The following MSH5 variants were observed in gnomAD, a reference collection of about 807,000 sequenced individuals.
The protein encoded by MSH5 is mutS protein homolog 5.
In MSH5, 78 loss-of-function variants were observed where a neutral mutation model predicts 107.7. The observed-to-expected ratio is 0.72, with a 90% CI of 0.60 to 0.87. The LOEUF (loss-of-function observed/expected upper bound fraction) is 0.87, where lower values mean the gene tolerates loss of function less well. MSH5 is among the 40% of genes least tolerant of loss of function. The probability of loss-of-function intolerance (pLI) is 0.00; values close to 1 mark genes in which losing one functional copy is unlikely to be tolerated. For synonymous variants in MSH5, 326 were observed against 399.5 expected, an observed-to-expected ratio of 0.82 and a Z score of 2.19; for missense variants, 889 against 1,046.6, an observed-to-expected ratio of 0.85 and a Z score of 2.08.
rs550199219 is a variant in MSH5 at position 31,745,399 on chromosome 6, C to A, written c.766+80C>A. On this transcript the variant is annotated intron_variant, in intron 9 of 24. Coordinates refer to ENST00000375750, the MANE Select transcript of MSH5 (RefSeq NM_172166.4). ...TGGCTCCAAAGATGTGTCCCAGCCT[C>A]CCTTCCCACTTCACTCCCATTGTCA... 3.3e-5 allele frequency: 32 copies of A among 960,042 alleles called. 1 individual carries two copies. In the African/African-American group the frequency reaches 5.0e-4, roughly 15 times the overall value. The allele number at this position is 960,042 out of a possible 1,614,324, so 59.5% of individuals were successfully genotyped here.
rs1231521758 is a variant in MSH5, at chr6:31,760,822, A to G, written c.1945A>G (p.Met649Val). 1.2e-6 allele frequency: 2 copies of G among 1,612,762 alleles called. No individual in the cohort carries two copies. The highest frequency in any genetic ancestry group is 8.5e-7 in the Non-Finnish European group (1 of 1,179,976). ...CATCTCCCTTGGCCTCTCCACCTTC[A>G]TGATCGACCTCAACCAGGTCAAAGG... ...ESISLGLSTFMIDLNQVAKAV... is the reference protein window; with the variant it reads ...ESISLGLSTFVIDLNQVAKAV... The change falls in exon 20 of 25, where the codon ATG (methionine) becomes GTG (valine). Residue 649 changes from methionine to valine, a missense_variant. Met to Val is a conservative substitution (Grantham distance 21, BLOSUM62 1). Coordinates refer to ENST00000375750, the MANE Select transcript of MSH5 (RefSeq NM_172166.4). The surrounding 1 kb of genome is among the most constrained non-coding windows in gnomAD (Gnocchi z 5.6).
At chr6:31,751,914 C>CTATCTCT in intron 10 of MSH5, among the ~76,000 whole-genome samples, 1 of 150,318 alleles carries the variant, frequency 6.7e-6, no homozygotes, top group East Asian at 2.0e-4. Flanking sequence ...GCCTGGCCAA[C>CTATCTCT]ACAGCGAAAC....
intron 5 of MSH5, 60 bp downstream of exon 5, chr6:31,743,230 A>G: frequency 1.3e-6 from 2 of 1,539,382 alleles, no homozygotes; most frequent in Non-Finnish European, 1.8e-6. Context: ...CTTTCCCCCA[A>G]CTCTACCTTC....
Position 31,744,560 on chromosome 6 carries a change from A to G in MSH5, c.662A>G (p.Asn221Ser), listed in dbSNP as rs755523006. 3.2e-5 allele frequency: 51 copies of G among 1,613,228 alleles called. No individual in the cohort carries two copies. The highest frequency in any genetic ancestry group is 1.7e-4 in the African/African-American group (13 of 74,916). Residue 221 changes from asparagine (N) to serine (S), a missense_variant, in exon 8 of 25, where the codon AAC becomes AGC. Physicochemically the swap from Asn to Ser is conservative, Grantham distance 46. Transcript: ENST00000375750. The part of the protein sequence containing the change: ...FKKFMLTHLV[N>S]IDQDTYSVLQ... ...TCTGTCCTCAGGACTCATCTGGTGA[A>G]CATAGATCAAGACACTTACAGGTAA...
chr6:31,760,953 G>C lies in MSH5; in HGVS notation c.1962+114G>C, dbSNP rs563249151. On this transcript the variant is annotated intron_variant, in intron 20 of 24. Coordinates refer to ENST00000375750, the MANE Select transcript of MSH5 (RefSeq NM_172166.4). The surrounding 1 kb of genome is among the most constrained non-coding windows in gnomAD (Gnocchi z 5.6). ...CTGCTGCATGCCCTTTATACTAAAA[G>C]TGGGGAGCACTAAGGTCAGAGATAA... The C allele has an allele frequency of 7.8e-7, 1 of 1,276,234 alleles. No individual in the cohort carries two copies. Among genetic ancestry groups the C allele is most frequent in the Non-Finnish European group, 1.1e-6 (1 of 928,220 alleles). 79.1% of individuals were successfully genotyped at this position (1,276,234 alleles called of 1,614,324 possible).
At position 31,760,418 on chromosome 6, in the gene MSH5, C is replaced by T. The variant is rs1032834384; in HGVS notation, c.1812+202C>T. On this transcript the variant is annotated intron_variant, in intron 19 of 24. Coordinates refer to ENST00000375750, the MANE Select transcript of MSH5 (RefSeq NM_172166.4). The surrounding 1 kb of genome is among the most constrained non-coding windows in gnomAD (Gnocchi z 5.6). The stretch of plus-strand genomic sequence containing the variant: ...AGAGCCATGCTCTAATGGAACTTTC[C>T]GTGGCCCAAATTCCTTCACCTGCCT... 2.0e-5 allele frequency among the ~76,000 whole-genome samples: 3 copies of T among 152,194 alleles called. No homozygotes were observed. The highest frequency in any genetic ancestry group is 6.5e-5 in the Admixed American group (1 of 15,282).
chr6:31,758,396 G>A lies in MSH5; in HGVS notation c.1143+103G>A, dbSNP rs1354918913. 2 of 1,573,734 alleles carry A rather than the reference G, an allele frequency of 1.3e-6. No homozygotes were observed. The highest frequency in any genetic ancestry group is 2.7e-5 in the African/African-American group (2 of 74,266). On this transcript the variant is annotated intron_variant, in intron 13 of 24. Coordinates refer to ENST00000375750, the MANE Select transcript of MSH5 (RefSeq NM_172166.4). The surrounding 1 kb of genome is among the most constrained non-coding windows in gnomAD (Gnocchi z 5.1). ...AAGATATTGAGGTCAATTGGATAAA[G>A]AATGGGATGGTGGGAGGAGGCAGCA...
intron 8 of MSH5, 110 bp from the exon 9 acceptor site, chr6:31,745,121 AAAAAAG>A (rs1809305260): frequency 1.6e-6 from 1 of 640,140 alleles, no homozygotes; most frequent in African/African-American, 1.9e-5. Context: ...AAAAAAAAAA[AAAAAAG>A]ACGTGATCTC....
chr6:31,740,081 A>C lies in MSH5; in HGVS notation c.-14+19A>C. ...GACTCAGGTTACTGAAAAGGCGGGA[A>C]AACGCTGCGATGGCGGCAGCTGGGG... On this transcript the variant is annotated intron_variant, in intron 1 of 24. Coordinates refer to ENST00000375750, the MANE Select transcript of MSH5 (RefSeq NM_172166.4). This position sits in a 1 kb window ranked among gnomAD's most constrained non-coding sequence, Gnocchi z 4.4. 5.9e-6 allele frequency: 1 copy of C among 170,050 alleles called. No homozygotes were observed. Among genetic ancestry groups the C allele is most frequent in the Non-Finnish European group, 1.3e-5 (1 of 79,910 alleles). The allele number at this position is 170,050 out of a possible 1,614,324, so 10.5% of individuals were successfully genotyped here.
intron 10 of MSH5, among the ~76,000 whole-genome samples, chr6:31,748,583 C>A (rs1333189546): frequency 1.3e-5 from 2 of 151,726 alleles, no homozygotes; most frequent in African/African-American, 4.8e-5. Flanking sequence ...TCCTGGTGAT[C>A]CGCCCACCTC....
chr6:31,753,581 C>T lies in MSH5; in HGVS notation c.966C>T (p.Arg322=), dbSNP rs754536549. The T allele has an allele frequency of 1.2e-6, 2 of 1,614,150 alleles. No homozygotes were observed. Among genetic ancestry groups the T allele is most frequent in the South Asian group, 1.1e-5 (1 of 91,084 alleles). ...TCTGACTGTAGCTGATTCTGAAACGCATGAAGTTGTCCCACACCAAGGTCA... is the reference window on the plus strand; with the variant it reads ...TCTGACTGTAGCTGATTCTGAAACGTATGAAGTTGTCCCACACCAAGGTCA... ...HIKNVPLILK[R]MKLSHTKVSD... is the part of the protein sequence containing the mutation. The change falls in exon 12 of 25, where the codon CGC becomes CGT. Residue 322 remains arginine, a synonymous_variant. Coordinates refer to ENST00000375750, the MANE Select transcript of MSH5 (RefSeq NM_172166.4).
chr6:31,751,492 C>G (rs566694765), intron 10 of MSH5: 19 of 151,202 alleles, frequency 1.3e-4, no homozygotes, highest in African/African-American at 4.6e-4. Flanking sequence ...AAAAATTAGC[C>G]GGGAGTGGTG....
intron 12 of MSH5, chr6:31,757,943 T>G (rs1263479975): frequency 1.7e-6 from 1 of 596,966 alleles, no homozygotes; most frequent in Non-Finnish European, 2.9e-6. Context: ...GTGCTGGGAT[T>G]ACAGGCATGA....
chr6:31,752,830 T>C (rs1268105703), intron 10 of MSH5, among the ~76,000 whole-genome samples: 1 of 152,070 alleles, frequency 6.6e-6, no homozygotes, highest in Non-Finnish European at 1.5e-5. Flanking sequence ...AAGCTTATCA[T>C]CCCTAATGGG....
chr6:31,742,148 A>G (rs1394656330), intron 3 of MSH5, among the ~76,000 whole-genome samples: 1 of 152,176 alleles, frequency 6.6e-6, no homozygotes, highest in African/African-American at 2.4e-5. Flanking sequence ...CATCCAAACT[A>G]TAGCACTGAC....
intron 10 of MSH5, among the ~76,000 whole-genome samples, chr6:31,747,998 G>A (rs1301343518): frequency 5.8e-5 from 3 of 51,672 alleles, no homozygotes; most frequent in Non-Finnish European, 6.7e-5. Context: ...GTGAGACTCC[G>A]TCTCAAAAAA....
intron 5 of MSH5, 89 bp downstream of exon 5, chr6:31,743,259 T>C (rs1367241681): frequency 7.2e-7 from 1 of 1,382,760 alleles, no homozygotes; most frequent in Non-Finnish European, 1.0e-6. Flanking sequence ...AGATCTCCCC[T>C]CTGCCTTATG....
rs964984347 is a variant in MSH5 at position 31,760,540 on chromosome 6, G to A, written c.1813-150G>A. 2.7e-5 allele frequency: 30 copies of A among 1,101,262 alleles called. No homozygotes were observed. The highest frequency in any genetic ancestry group is 1.1e-4 in the African/African-American group (7 of 65,074). The allele number at this position is 1,101,262 out of a possible 1,614,324, so 68.2% of individuals were successfully genotyped here. A position where few individuals can be genotyped will look rare whatever the true frequency, so the allele number is the denominator to read the frequency against. ...GCCCACAGGGCTATGGTCAGGATTC[G>A]GGGAGGAGAGACAGAGTCAGTGTGT... On this transcript the variant is annotated intron_variant, in intron 19 of 24. Transcript: ENST00000375750. The surrounding 1 kb of genome is among the most constrained non-coding windows in gnomAD (Gnocchi z 5.6).
intron 12 of MSH5, among the ~76,000 whole-genome samples, chr6:31,755,120 TA>T (rs1810331319): frequency 1.3e-5 from 2 of 152,120 alleles, no homozygotes; most frequent in Admixed American, 6.5e-5. Context: ...TATCTTACTT[TA>T]AAAATTGTAT....
Sources: allele counts gnomAD v4.1 joint callset (sites outside exome capture counted in the v4.1 genomes callset), GRCh38; gene constraint gnomAD v4.1.1; non-coding constraint Gnocchi (gnomAD v3.1); transcripts MANE v1.5; gene names NCBI Gene and HGNC (gene_info 2026-07-23, HGNC 2026-07-21).